The following TDP1 variants were observed in gnomAD, a reference collection of about 807,000 sequenced individuals.
The protein encoded by TDP1 is tyrosyl-DNA phosphodiesterase 1.
TDP1 carries 64 observed loss-of-function variants against 81.5 expected under a neutral mutation model. The ratio of observed to expected loss-of-function variants is 0.79; its 90% CI spans 0.64 to 0.97. The LOEUF (loss-of-function observed/expected upper bound fraction) is 0.97, where lower values mean the gene tolerates loss of function less well. Among genes scored for constraint, TDP1 ranks in the 50% least tolerant of loss-of-function variants. The probability of loss-of-function intolerance (pLI) is 0.00; values close to 1 mark genes in which losing one functional copy is unlikely to be tolerated. For synonymous variants in TDP1, 256 were observed against 264.3 expected, an observed-to-expected ratio of 0.97 and a Z score of 0.30; for missense variants, 723 against 743.8, an observed-to-expected ratio of 0.97 and a Z score of 0.33.
rs557746993 is a variant in TDP1, at chr14:90,009,004, C to T, written c.1542-10312C>T. On this transcript the variant is annotated intron_variant, in intron 14 of 16. Transcript: ENST00000335725. ...GATTACAGGCATGAGCTACCATGTC[C>T]AGCTCAAATCATTTTAAGTATACTT... Among the ~76,000 whole-genome samples, 5 of 152,308 alleles carry T rather than the reference C, an allele frequency of 3.3e-5. No homozygotes were observed. In the South Asian group the frequency reaches 8.3e-4, roughly 25 times the overall value.
chr14:90,008,141 C>A (rs1884264754), intron 14 of TDP1, among the ~76,000 whole-genome samples: 1 of 152,170 alleles, frequency 6.6e-6, no homozygotes, highest in Admixed American at 6.5e-5. Context: ...GATTTTTCAA[C>A]AGTTCGGTAA....
chr14:89,964,425 C>G (rs1013120825), intron 3 of TDP1, among the ~76,000 whole-genome samples: 3 of 152,150 alleles, frequency 2.0e-5, no homozygotes, highest in Non-Finnish European at 2.9e-5. Context: ...CATCTTTAAA[C>G]TGGAAATGCA....
Position 89,971,165 on chromosome 14 carries a change from C to T in TDP1, c.660-10C>T. The T allele has an allele frequency of 6.2e-7, 1 of 1,611,722 alleles. No homozygotes were observed. On this transcript the variant is annotated splice_polypyrimidine_tract_variant and intron_variant, in intron 5 of 16. Coordinates refer to ENST00000335725, the MANE Select transcript of TDP1 (RefSeq NM_018319.4). ...ATGATGTATATTAAATACTAATGCT[C>T]TCTTTTTAGGAAGAAGCCAATCCTG...
At chr14:90,037,463 T>C (rs1051500166) in intron 16 of TDP1, among the ~76,000 whole-genome samples, 1 of 152,190 alleles carries the variant, frequency 6.6e-6, no homozygotes, top group African/African-American at 2.4e-5. Flanking sequence ...GTTGTTTCAT[T>C]TTTATTATTT....
At chr14:90,032,513 C>T (rs1357365377) in intron 15 of TDP1, among the ~76,000 whole-genome samples, 3 of 152,052 alleles carry the variant, frequency 2.0e-5, no homozygotes, top group African/African-American at 7.2e-5. Context: ...AAGGAAGTGG[C>T]AGTGTGAACA....
chr14:89,971,996 A>G (rs1303304031), intron 6 of TDP1, among the ~76,000 whole-genome samples: 2 of 152,206 alleles, frequency 1.3e-5, no homozygotes, highest in African/African-American at 4.8e-5. Flanking sequence ...TGTGAGTCGT[A>G]TGCTGTGTAT....
chr14:90,026,229 T>G (rs1886632242), intron 15 of TDP1, among the ~76,000 whole-genome samples: 1 of 152,236 alleles, frequency 6.6e-6, no homozygotes, highest in Non-Finnish European at 1.5e-5. Flanking sequence ...TAACCCTCTC[T>G]TTGTCTTCTT....
intron 15 of TDP1, chr14:90,032,905 G>C (rs1402119091): frequency 1.0e-6 from 1 of 968,280 alleles, no homozygotes; most frequent in African/African-American, 1.8e-5. Context: ...GAAAATTAAA[G>C]CTCTTATGTT....
intron 14 of TDP1, among the ~76,000 whole-genome samples, chr14:90,007,213 A>G (rs1202666942): frequency 6.6e-6 from 1 of 152,154 alleles, no homozygotes; most frequent in East Asian, 1.9e-4. Context: ...TCTTACTGGC[A>G]ATAAGCTCTT....
chr14:90,010,735 C>G (rs1420018328), intron 14 of TDP1, among the ~76,000 whole-genome samples: 2 of 152,150 alleles, frequency 1.3e-5, no homozygotes, highest in Non-Finnish European at 1.5e-5. Context: ...CACAATCCTC[C>G]TAAAACTTTA....
intron 7 of TDP1, among the ~76,000 whole-genome samples, chr14:89,976,527 CTTTTTTTTTT>C (rs35744477): frequency 0.049 from 4,392 of 88,772 alleles, 297 homozygotes; most frequent in African/African-American, 0.21. Context: ...CAACAGAGCT[CTTTTTTTTTT>C]TTTTTTTTTT....
At chr14:90,021,103 C>T (rs1289125537) in intron 15 of TDP1, among the ~76,000 whole-genome samples, 1 of 152,070 alleles carries the variant, frequency 6.6e-6, no homozygotes, top group Non-Finnish European at 1.5e-5. Context: ...TCTTAAGGCA[C>T]GCTGGAGAGC....
At chr14:89,968,741 C>T (rs1893243369) in intron 5 of TDP1, among the ~76,000 whole-genome samples, 1 of 152,184 alleles carries the variant, frequency 6.6e-6, no homozygotes, top group Admixed American at 6.5e-5. Flanking sequence ...TGTTCTTCCT[C>T]CCTTTTCTTA....
At chr14:89,984,948 A>T in intron 9 of TDP1, 184 bp from the exon 10 acceptor site, 1 of 973,754 alleles carries the variant, frequency 1.0e-6, no homozygotes, top group Non-Finnish European at 1.2e-6. Flanking sequence ...GGTACTTTAC[A>T]TCTTGTAGGC....
rs1303046550 is a variant in TDP1 at position 89,988,927 on chromosome 14, C to T, written c.1154C>T (p.Ser385Phe). ...LKKLLKDHAS[S>F]MPNAESWPVV... is the part of the protein sequence containing the mutation. ...CAGCTTCTGAAAGACCATGCCTCAT[C>T]CATGCCTAACGCAGAGTCCTGGCCT... The change falls in exon 11 of 17, where the codon TCC (serine) becomes TTC (phenylalanine). Residue 385 changes from serine to phenylalanine, a missense_variant. By Grantham distance (155) the Ser-to-Phe change is radical. Coordinates refer to ENST00000335725, the MANE Select transcript of TDP1 (RefSeq NM_018319.4). The T allele has an allele frequency of 3.1e-6, 5 of 1,614,182 alleles. No individual in the cohort carries two copies. In the South Asian group the frequency reaches 4.4e-5, roughly 14 times the overall value.
At chr14:89,986,439 A>G (rs1314596080) in intron 10 of TDP1, among the ~76,000 whole-genome samples, 1 of 152,268 alleles carries the variant, frequency 6.6e-6, no homozygotes, top group Non-Finnish European at 1.5e-5. Flanking sequence ...GTAAGTCTTC[A>G]GTGCACATAC....
intron 14 of TDP1, among the ~76,000 whole-genome samples, chr14:90,004,940 A>G (rs78465035): frequency 0.03 from 4,516 of 152,270 alleles, 100 homozygotes; most frequent in African/African-American, 0.062. Flanking sequence ...TCCTTGTGCT[A>G]TGCAGCACCA....
rs1422446372 is a variant in TDP1, at chr14:89,993,115, A to C, written c.1434-261A>C. 4 of 973,966 alleles carry C rather than the reference A, an allele frequency of 4.1e-6. No homozygotes were observed. In the African/African-American group the frequency reaches 5.3e-5, roughly 13 times the overall value. 60.3% of individuals were successfully genotyped at this position (973,966 alleles called of 1,614,324 possible). ...AGCACAACAGAAATAATATGTATGCATGTATGTATGTTCATGGCAAAAATG... is the reference window on the plus strand; with the variant it reads ...AGCACAACAGAAATAATATGTATGCCTGTATGTATGTTCATGGCAAAAATG... On this transcript the variant is annotated intron_variant, in intron 13 of 16. Transcript: ENST00000335725.
chr14:90,031,741 C>T (rs1022229162), intron 15 of TDP1, among the ~76,000 whole-genome samples: 1 of 152,142 alleles, frequency 6.6e-6, no homozygotes, highest in South Asian at 2.1e-4. Flanking sequence ...GGCTCTTTGC[C>T]ACCTCTGGGC....
Sources: allele counts gnomAD v4.1 joint callset (sites outside exome capture counted in the v4.1 genomes callset), GRCh38; gene constraint gnomAD v4.1.1; transcripts MANE v1.5; gene names NCBI Gene and HGNC (gene_info 2026-07-23, HGNC 2026-07-21).